Variants in DLGAP2 observed in about 807,000 individuals in gnomAD.
DLGAP2 encodes DLG associated protein 2, also known as disks large-associated protein 2.
In DLGAP2, 26 loss-of-function variants were observed where a neutral mutation model predicts 100.3. The ratio of observed to expected loss-of-function variants is 0.26; its 90% confidence interval spans 0.19 to 0.36. The LOEUF is 0.36. Among genes scored for constraint, DLGAP2 ranks in the 10% least tolerant of loss-of-function variants. The probability of loss-of-function intolerance (pLI) is 1.00; values close to 1 mark genes in which losing one functional copy is unlikely to be tolerated. For synonymous variants in DLGAP2, 886 were observed against 630.1 expected, an observed-to-expected ratio of 1.41 and a Z score of -6.08; for missense variants, 1,858 against 1,453.2, an observed-to-expected ratio of 1.28 and a Z score of -4.53.
At chr8:1,409,439 C>A (rs1336096822) in intron 3 of DLGAP2, among the ~76,000 whole-genome samples, 1 of 152,184 alleles carries the variant, frequency 6.6e-6, no homozygotes, top group Non-Finnish European at 1.5e-5. Flanking sequence ...GAGAACCAAC[C>A]GGAAGAAATG....
intron 5 of DLGAP2, among the ~76,000 whole-genome samples, chr8:1,560,692 G>C (rs1023810515): frequency 3.9e-5 from 6 of 152,230 alleles, no homozygotes; most frequent in African/African-American, 1.4e-4. Flanking sequence ...CCCCAAAGTT[G>C]TGAATTCTTT....
At chr8:1,548,458 GA>G (rs773138776) in intron 4 of DLGAP2, among the ~76,000 whole-genome samples, 167 bp from the exon 5 acceptor site, 1,034 of 41,562 alleles carry the variant, frequency 0.025, 7 homozygotes, top group African/African-American at 0.069. Context: ...GACTGTCTCA[GA>G]AAAAAAAAAA....
At chr8:804,199 C>T (rs1209131869) in intron 1 of DLGAP2, among the ~76,000 whole-genome samples, 6 of 152,128 alleles carry the variant, frequency 3.9e-5, no homozygotes, top group African/African-American at 9.7e-5. Flanking sequence ...TTATTATGCT[C>T]CCTGGAGTCA....
At chr8:772,342 A>G (rs1195064109) in intron 1 of DLGAP2, among the ~76,000 whole-genome samples, 17 of 151,780 alleles carry the variant, frequency 1.1e-4, no homozygotes, top group Non-Finnish European at 1.9e-4. Flanking sequence ...ATTTTTTTTG[A>G]GACAGAGTCT....
intron 4 of DLGAP2, among the ~76,000 whole-genome samples, chr8:1,515,808 C>G (rs1365597839): frequency 6.6e-6 from 1 of 152,260 alleles, no homozygotes; most frequent in Admixed American, 6.5e-5. Context: ...CCCCTCCAGT[C>G]TGTTCCCTGC....
At chr8:1,114,075 G>T (rs1805042217) in intron 2 of DLGAP2, among the ~76,000 whole-genome samples, 1 of 152,140 alleles carries the variant, frequency 6.6e-6, no homozygotes, top group African/African-American at 2.4e-5. Context: ...TTAGCTTTTT[G>T]ATATGCTGTT....
chr8:763,726 G>A (rs900938287), intron 1 of DLGAP2, among the ~76,000 whole-genome samples: 4 of 151,558 alleles, frequency 2.6e-5, no homozygotes, highest in Admixed American at 1.3e-4. Context: ...AAGACAATAC[G>A]TGTGTCCTGA....
intron 1 of DLGAP2, among the ~76,000 whole-genome samples, chr8:858,530 C>T (rs752581582): frequency 6.1e-5 from 9 of 147,764 alleles, no homozygotes; most frequent in South Asian, 2.2e-4. Context: ...ACCGTGGGCA[C>T]GTGTAATGCT....
chr8:1,598,568 T>C (rs1479584830), intron 6 of DLGAP2, among the ~76,000 whole-genome samples: 4 of 152,172 alleles, frequency 2.6e-5, no homozygotes, highest in African/African-American at 7.2e-5. Context: ...TTCAGGGATT[T>C]GACTTATTCC....
At chr8:923,329 A>G (rs1185841972) in intron 2 of DLGAP2, among the ~76,000 whole-genome samples, 3 of 152,210 alleles carry the variant, frequency 2.0e-5, no homozygotes, top group Admixed American at 6.5e-5. Flanking sequence ...GTCACGTCCC[A>G]TGACAGTGTC....
intron 2 of DLGAP2, among the ~76,000 whole-genome samples, chr8:957,125 GT>G (rs1799614297): frequency 6.6e-6 from 1 of 152,228 alleles, no homozygotes. Flanking sequence ...ATCAGAGTCA[GT>G]TGGAAACATG....
At chr8:1,240,050 ATGGCGCCGTGTC>A (rs1798751194) in intron 2 of DLGAP2, among the ~76,000 whole-genome samples, 1 of 150,548 alleles carries the variant, frequency 6.6e-6, no homozygotes, top group African/African-American at 2.5e-5. Context: ...GTTCTCTCAC[ATGGCGCCGTGTC>A]TAGTTATCTC....
chr8:1,204,866 C>T lies in DLGAP2; in HGVS notation c.74-53985C>T, dbSNP rs1022441257. ...CTAAATTACAGATGGCCTTGAACAC[C>T]GGCCCTCTCCAGAGCCTGGACTTGG... On this transcript the variant is annotated intron_variant, in intron 2 of 14. Transcript: ENST00000637795. Among the ~76,000 whole-genome samples the T allele has an allele frequency of 9.9e-5, 15 of 152,174 alleles. No individual in the cohort carries two copies. The South Asian group carries it at 1.9e-3, about 19-fold the overall frequency.
chr8:1,208,162 C>T (rs570664161), intron 2 of DLGAP2, among the ~76,000 whole-genome samples: 1 of 152,232 alleles, frequency 6.6e-6, no homozygotes, highest in South Asian at 2.1e-4. Context: ...AAGGGTTTTT[C>T]CAATGCCATC....
At chr8:1,619,338 T>G (rs1433838599) in intron 6 of DLGAP2, among the ~76,000 whole-genome samples, 1 of 152,194 alleles carries the variant, frequency 6.6e-6, no homozygotes, top group Non-Finnish European at 1.5e-5. Flanking sequence ...CCCAAGAGGA[T>G]ACGGGTGGAG....
intron 3 of DLGAP2, among the ~76,000 whole-genome samples, chr8:1,465,579 C>T (rs968487054): frequency 1.3e-5 from 2 of 152,192 alleles, no homozygotes; most frequent in South Asian, 2.1e-4. Flanking sequence ...CCCAGGGCAC[C>T]ACCCTCCAGG....
intron 3 of DLGAP2, among the ~76,000 whole-genome samples, chr8:1,408,447 A>C (rs1399605908): frequency 6.6e-6 from 1 of 152,130 alleles, no homozygotes; most frequent in Non-Finnish European, 1.5e-5. Flanking sequence ...CTCCACGAGC[A>C]TCTGGGGCAC....
At chr8:1,592,394 G>A (rs147123262) in intron 6 of DLGAP2, among the ~76,000 whole-genome samples, 2 of 151,814 alleles carry the variant, frequency 1.3e-5, no homozygotes, top group Non-Finnish European at 2.9e-5. Context: ...TTGGCCTGAC[G>A]TGTGCCTCTG....
At chr8:1,455,865 G>A (rs373127498) in intron 3 of DLGAP2, among the ~76,000 whole-genome samples, 12 of 152,290 alleles carry the variant, frequency 7.9e-5, no homozygotes, top group African/African-American at 2.4e-4. Context: ...GACGGCAGGC[G>A]GTCGGTCTGT....
Sources: allele counts gnomAD v4.1 joint callset (sites outside exome capture counted in the v4.1 genomes callset), GRCh38; gene constraint gnomAD v4.1.1; transcripts MANE v1.5; gene names NCBI Gene and HGNC (gene_info 2026-07-23, HGNC 2026-07-21).